The following TSNARE1 variants were observed in gnomAD, a reference collection of about 807,000 sequenced individuals.
TSNARE1 encodes the protein t-SNARE domain containing 1, also known as t-SNARE domain-containing protein 1.
Under a neutral mutation model 62.0 loss-of-function variants are expected in TSNARE1, and 49 were observed. That is an observed-to-expected ratio of 0.79 (90% CI 0.63 to 1.00). TSNARE1 has a LOEUF of 1.00. TSNARE1 is among the 50% of genes least tolerant of loss of function. The probability of loss-of-function intolerance (pLI) is 0.00; values close to 1 mark genes in which losing one functional copy is unlikely to be tolerated. For missense variants in TSNARE1, 755 were observed against 700.1 expected (o/e 1.08, Z -0.88); for synonymous variants, 328 against 294.4 (o/e 1.11, Z -1.17).
At chr8:142,371,129 G>A (rs936314078) in intron 1 of TSNARE1, among the ~76,000 whole-genome samples, 1 of 152,194 alleles carries the variant, frequency 6.6e-6, no homozygotes, top group Non-Finnish European at 1.5e-5. Flanking sequence ...CAACAACCTA[G>A]ATGAAATCAA....
At chr8:142,403,987 T>G (rs1476246367), upstream of TSNARE1, 2 of 152,208 alleles carry the variant, frequency 1.3e-5, no homozygotes, top group African/African-American at 4.8e-5. Flanking sequence ...GGGTCACCTT[T>G]CAGCCTGTTT....
chr8:142,227,087 AGGAACCCCACTGCACCCACACAAT>A (rs1816840107), intron 13 of TSNARE1, among the ~76,000 whole-genome samples: 3 of 147,404 alleles, frequency 2.0e-5, no homozygotes, highest in South Asian at 2.2e-4. Flanking sequence ...AGTGACAGCC[AGGAACCCCACTGCACCCACACAAT>A]AGTGACAGCC....
At chr8:142,315,504 C>A (rs1417882645) in intron 7 of TSNARE1, among the ~76,000 whole-genome samples, 1 of 152,248 alleles carries the variant, frequency 6.6e-6, no homozygotes, top group African/African-American at 2.4e-5. Context: ...TGTATCTGGG[C>A]TCCCCGTGGC....
chr8:142,278,682 CCAGA>C, intron 11 of TSNARE1: 13 of 985,442 alleles, frequency 1.3e-5, no homozygotes, highest in Non-Finnish European at 1.6e-5. Context: ...CGAGGCCTGA[CCAGA>C]CAGAAACGCC....
intron 4 of TSNARE1, among the ~76,000 whole-genome samples, chr8:142,342,617 G>T (rs1210438292): frequency 6.6e-6 from 1 of 152,204 alleles, no homozygotes; most frequent in Non-Finnish European, 1.5e-5. Flanking sequence ...ATCTCCTATA[G>T]CACGGCCTCG....
rs1828193363 is a variant in TSNARE1 at position 142,314,455 on chromosome 8, A to C, written c.1075-15T>G. On this transcript the variant is annotated splice_polypyrimidine_tract_variant and intron_variant, in intron 8 of 13. Transcript: ENST00000524325. ...TCTGCAATTTTCTGTTGAAAAAAGG[A>C]CAAGAGAAGAAAGACAGGAAGAGCA... 1.9e-6 allele frequency: 3 copies of C among 1,612,996 alleles called. No individual in the cohort carries two copies. The highest frequency in any genetic ancestry group is 2.5e-6 in the Non-Finnish European group (3 of 1,179,398).
At chr8:142,397,206 T>C (rs558222006) in intron 1 of TSNARE1, among the ~76,000 whole-genome samples, 1 of 149,404 alleles carries the variant, frequency 6.7e-6, no homozygotes, top group South Asian at 2.2e-4. Flanking sequence ...CTGCACTCCC[T>C]GACCTTCCAC....
In TSNARE1 at chr8:142,284,418, GCTT is replaced by G. The variant is rs768749097; in HGVS notation, c.1355_1357del (p.Glu452del). The G allele has an allele frequency of 1.9e-6, 3 of 1,612,930 alleles. No individual in the cohort carries two copies. The African/African-American group carries it at 4.0e-5, about 22-fold the overall frequency. On this transcript the variant is annotated inframe_deletion, in exon 11 of 14. Transcript: ENST00000524325. ...AGGCTGGGGCGGGTACCCACCAACA[GCTT>G]CTCCTTGCTCTGACACCATGGAGGC...
chr8:142,274,523 G>A, intron 12 of TSNARE1: 1 of 985,482 alleles, frequency 1.0e-6, no homozygotes. Flanking sequence ...CGGATCCATG[G>A]GAGAGGGCGG....
intron 12 of TSNARE1, among the ~76,000 whole-genome samples, chr8:142,249,949 G>A (rs1485071251): frequency 6.6e-6 from 1 of 152,232 alleles, no homozygotes; most frequent in African/African-American, 2.4e-5. Flanking sequence ...AATAGCCTGG[G>A]CTGATGGCTA....
intron 12 of TSNARE1, among the ~76,000 whole-genome samples, chr8:142,251,285 T>C (rs988186297): frequency 1.7e-4 from 25 of 146,126 alleles, no homozygotes; most frequent in African/African-American, 5.7e-4. Context: ...GCTCAGGCAG[T>C]GTCGGAGTTT....
intron 4 of TSNARE1, among the ~76,000 whole-genome samples, chr8:142,334,879 C>G (rs190043039): frequency 6.6e-6 from 1 of 152,264 alleles, no homozygotes; most frequent in East Asian, 1.9e-4. Flanking sequence ...CAGATTTTGA[C>G]AAGCAAAAGT....
chr8:142,277,738 C>A (rs954894972), intron 11 of TSNARE1: 2 of 985,404 alleles, frequency 2.0e-6, no homozygotes, highest in East Asian at 2.3e-4. Flanking sequence ...GGCCTGGGGA[C>A]CTGGAGTGGC....
intron 10 of TSNARE1, among the ~76,000 whole-genome samples, chr8:142,293,430 C>T (rs1458171042): frequency 6.6e-6 from 1 of 152,248 alleles, no homozygotes; most frequent in Non-Finnish European, 1.5e-5. Flanking sequence ...TCTCGCCAGG[C>T]AGTTACACTC....
intron 2 of TSNARE1, among the ~76,000 whole-genome samples, chr8:142,347,957 C>T (rs937358792): frequency 1.2e-4 from 18 of 152,236 alleles, no homozygotes; most frequent in Admixed American, 1.0e-3. Flanking sequence ...CGTTATTCCA[C>T]GCTGCTCCCC....
chr8:142,330,790 G>T, intron 6 of TSNARE1, 111 bp downstream of exon 6: 2 of 1,081,960 alleles, frequency 1.8e-6, no homozygotes, highest in Non-Finnish European at 2.8e-6. Context: ...GCAGCTGTGC[G>T]CAAGCAGCTG....
At chr8:142,361,771 GAC>G (rs973601843) in intron 1 of TSNARE1, among the ~76,000 whole-genome samples, 5 of 152,182 alleles carry the variant, frequency 3.3e-5, no homozygotes, top group African/African-American at 1.2e-4. Context: ...GGCCGGAAAA[GAC>G]AGAGGGAGCT....
In TSNARE1 at chr8:142,344,405, C is replaced by T; in HGVS notation, c.306G>A (p.Arg102=). ...CATGGGGCCCAGCAGCCGAGTCCTT[C>T]CTCGGGCCAATGGTGGGTGATGAGG... ...EPTSSPTIGP[R]KDSAAGPHGR... Residue 102 remains arginine (R), a synonymous_variant, in exon 4 of 14, where the codon AGG becomes AGA. Coordinates refer to ENST00000524325, the MANE Select transcript of TSNARE1 (RefSeq NM_145003.5). 1 of 1,588,668 alleles carries T rather than the reference C, an allele frequency of 6.3e-7. No individual in the cohort carries two copies. Among genetic ancestry groups the T allele is most frequent in the Non-Finnish European group, 8.6e-7 (1 of 1,168,830 alleles).
rs575542502 is a variant in TSNARE1, at chr8:142,275,011, C to T, written c.1364-148G>A. 137 of 1,369,266 alleles carry T rather than the reference C, an allele frequency of 1.0e-4. No individual in the cohort carries two copies. In the East Asian group the frequency reaches 3.0e-3, roughly 30 times the overall value. The allele number at this position is 1,369,266 out of a possible 1,614,324, so 84.8% of individuals were successfully genotyped here. On this transcript the variant is annotated intron_variant, in intron 11 of 13. Transcript: ENST00000524325. Reference sequence around the variant, plus strand: ...CAGGGATGGGCGCTGGGCTGCCAGACGTGCCGAGGGCTCCGCGTGGTGTGG... The same window carrying T: ...CAGGGATGGGCGCTGGGCTGCCAGATGTGCCGAGGGCTCCGCGTGGTGTGG...
Sources: allele counts gnomAD v4.1 joint callset (sites outside exome capture counted in the v4.1 genomes callset), GRCh38; gene constraint gnomAD v4.1.1; transcripts MANE v1.5; gene names NCBI Gene and HGNC (gene_info 2026-07-23, HGNC 2026-07-21).